Variants in TBL1XR1 observed in about 807,000 individuals in gnomAD.
TBL1XR1 encodes the protein TBL1X/Y related 1.
In TBL1XR1, 5 loss-of-function variants were observed where a neutral mutation model predicts 66.9. That is an observed-to-expected ratio of 0.07 (90% CI 0.04 to 0.16). The LOEUF (loss-of-function observed/expected upper bound fraction) is 0.16. Among genes scored for constraint, TBL1XR1 ranks in the 10% least tolerant of loss-of-function variants. TBL1XR1 has a pLI of 1.00. For synonymous variants in TBL1XR1, 210 were observed against 206.0 expected (o/e 1.02, Z -0.17); for missense variants, 238 against 623.2 (o/e 0.38, Z 6.58).
intron 2 of TBL1XR1, among the ~76,000 whole-genome samples, chr3:177,071,069 T>C (rs1386908595): frequency 2.1e-5 from 3 of 140,408 alleles, no homozygotes; most frequent in Non-Finnish European, 4.6e-5. Context: ...TTTGCTCTGT[T>C]GCCCAGGCTA....
At chr3:177,117,150 GC>G (rs1338451488) in intron 1 of TBL1XR1, among the ~76,000 whole-genome samples, 1 of 152,140 alleles carries the variant, frequency 6.6e-6, no homozygotes, top group Non-Finnish European at 1.5e-5. Flanking sequence ...AAGAAATGAT[GC>G]CCATTTTTAA....
intron 2 of TBL1XR1, among the ~76,000 whole-genome samples, chr3:177,088,101 A>G (rs752368581): frequency 3.9e-5 from 6 of 152,222 alleles, no homozygotes; most frequent in Non-Finnish European, 7.3e-5. Flanking sequence ...GAATTTATAG[A>G]AAGGACAGCA....
chr3:177,124,028 T>C (rs1727308136), intron 1 of TBL1XR1, among the ~76,000 whole-genome samples: 1 of 152,082 alleles, frequency 6.6e-6, no homozygotes, highest in South Asian at 2.1e-4. Flanking sequence ...TCACTGTTGC[T>C]AGTGTCTCTC....
chr3:177,130,836 T>C (rs575754356), intron 1 of TBL1XR1, among the ~76,000 whole-genome samples: 1 of 152,216 alleles, frequency 6.6e-6, no homozygotes, highest in South Asian at 2.1e-4. Context: ...AAGGCCACCA[T>C]ATTTGGGGTT....
At chr3:177,199,767 G>A (rs1453486646), upstream of TBL1XR1, among the ~76,000 whole-genome samples, 1 of 152,000 alleles carries the variant, frequency 6.6e-6, no homozygotes, top group African/African-American at 2.4e-5. Flanking sequence ...TCCTAAAGTT[G>A]TTCAGTGTTA....
intron 12 of TBL1XR1, among the ~76,000 whole-genome samples, chr3:177,034,877 T>C (rs1001767211): frequency 8.6e-5 from 13 of 151,974 alleles, no homozygotes; most frequent in African/African-American, 2.7e-4. Flanking sequence ...CCTGTGTGTA[T>C]AGATTTCAAG....
At chr3:177,109,690 T>TGATTAATTTAA in intron 1 of TBL1XR1, among the ~76,000 whole-genome samples, 1 of 152,072 alleles carries the variant, frequency 6.6e-6, no homozygotes, top group Non-Finnish European at 1.5e-5. Context: ...CCAGCAGAAT[T>TGATTAATTTAA]TTGATTAATA....
chr3:177,080,337 C>A (rs1721242835), intron 2 of TBL1XR1, among the ~76,000 whole-genome samples: 1 of 151,982 alleles, frequency 6.6e-6, no homozygotes, highest in Admixed American at 6.6e-5. Flanking sequence ...GCCAGACTGC[C>A]CAAGTAAATC....
At chr3:177,089,794 G>GA (rs1322080458) in intron 2 of TBL1XR1, among the ~76,000 whole-genome samples, 6 of 152,276 alleles carry the variant, frequency 3.9e-5, no homozygotes, top group Non-Finnish European at 8.8e-5. Context: ...TGGAAAATAA[G>GA]AATCTATCTG....
chr3:177,151,833 G>A (rs542318707), intron 1 of TBL1XR1, among the ~76,000 whole-genome samples: 1 of 152,060 alleles, frequency 6.6e-6, no homozygotes, highest in African/African-American at 2.4e-5. Context: ...AGACCAACCT[G>A]GCCACCACGG....
intron 7 of TBL1XR1, among the ~76,000 whole-genome samples, chr3:177,048,912 G>A (rs763386433): frequency 7.2e-5 from 11 of 152,178 alleles, no homozygotes; most frequent in East Asian, 3.8e-4. Context: ...ACCAGGTAGC[G>A]TAAGAAAGCT....
intron 4 of TBL1XR1, among the ~76,000 whole-genome samples, chr3:177,053,532 T>C (rs747577143): frequency 1.3e-5 from 2 of 152,228 alleles, no homozygotes; most frequent in Non-Finnish European, 2.9e-5. Flanking sequence ...TTAATAAAAA[T>C]TCTTTATTAG....
At chr3:177,058,216 A>G (rs1394081526) in intron 3 of TBL1XR1, among the ~76,000 whole-genome samples, 1 of 152,180 alleles carries the variant, frequency 6.6e-6, no homozygotes, top group East Asian at 1.9e-4. Flanking sequence ...GGTCCTATAT[A>G]AGCTTCAAGT....
intron 1 of TBL1XR1, among the ~76,000 whole-genome samples, chr3:177,134,376 G>A (rs1185520275): frequency 6.6e-6 from 1 of 152,150 alleles, no homozygotes; most frequent in African/African-American, 2.4e-5. Context: ...TGGGAGCAGA[G>A]AGAAAGAGAG....
intron 1 of TBL1XR1, among the ~76,000 whole-genome samples, chr3:177,127,393 T>C (rs568665627): frequency 6.6e-6 from 1 of 152,346 alleles, no homozygotes; most frequent in East Asian, 1.9e-4. Context: ...CTGCCCTTTA[T>C]AGAGTGTGAA....
chr3:177,175,913 C>T (rs1224572931), intron 1 of TBL1XR1, among the ~76,000 whole-genome samples: 3 of 151,370 alleles, frequency 2.0e-5, no homozygotes, highest in Non-Finnish European at 4.4e-5. Context: ...AAAAATTAGC[C>T]GGGCGTGGTG....
intron 3 of TBL1XR1, among the ~76,000 whole-genome samples, chr3:177,063,313 G>A (rs1249981439): frequency 6.6e-6 from 1 of 152,154 alleles, no homozygotes; most frequent in East Asian, 1.9e-4. Context: ...ACAAGGTAGT[G>A]CTGAGCTATT....
At chr3:177,120,047 T>C (rs1726800067) in intron 1 of TBL1XR1, among the ~76,000 whole-genome samples, 1 of 152,184 alleles carries the variant, frequency 6.6e-6, no homozygotes, top group African/African-American at 2.4e-5. Context: ...AGGGCCATTT[T>C]CCAACTGCAT....
At chr3:177,090,240 T>C (rs1487802682) in intron 2 of TBL1XR1, among the ~76,000 whole-genome samples, 1 of 152,220 alleles carries the variant, frequency 6.6e-6, no homozygotes, top group Non-Finnish European at 1.5e-5. Context: ...AAACCAAAAA[T>C]AGTTTGATTT....
Sources: gnomAD v4.1 joint callset for allele counts (sites outside exome capture counted in the v4.1 genomes callset) on GRCh38, gnomAD v4.1.1 for gene constraint, MANE v1.5 for transcripts, NCBI Gene and HGNC (gene_info 2026-07-23, HGNC 2026-07-21) for gene names.